The following PRKN variants were observed in gnomAD, a reference collection of about 807,000 sequenced individuals.
PRKN encodes the protein E3 ubiquitin-protein ligase parkin.
A neutral mutation model predicts 59.5 loss-of-function variants in PRKN; 56 were observed. That is an observed-to-expected ratio of 0.94 (90% CI 0.76 to 1.18). The LOEUF (loss-of-function observed/expected upper bound fraction) is 1.18. Ranked by LOEUF, PRKN falls within the 50% of genes most tolerant of loss-of-function variation. PRKN has a pLI of 0.00. For missense variants in PRKN, 657 were observed against 596.4 expected (o/e 1.10, Z -1.06); for synonymous variants, 250 against 222.1 (o/e 1.13, Z -1.12).
intron 7 of PRKN, among the ~76,000 whole-genome samples, chr6:161,703,835 CTCTCTTTTTTTTTTT>C (rs1786359766): frequency 1.6e-5 from 2 of 126,440 alleles, no homozygotes; most frequent in African/African-American, 3.2e-5. Flanking sequence ...CTCTCTCTCT[CTCTCTTTTTTTTTTT>C]TTTTTTTTTT....
intron 6 of PRKN, among the ~76,000 whole-genome samples, chr6:161,946,410 A>ACTCTCT (rs1554253042): frequency 1.1e-5 from 1 of 95,202 alleles, no homozygotes; most frequent in African/African-American, 3.5e-5. Flanking sequence ...ACACACACAC[A>ACTCTCT]CACACTCTCT....
At chr6:161,874,850 A>G (rs1229280718) in intron 6 of PRKN, among the ~76,000 whole-genome samples, 35 of 110,716 alleles carry the variant, frequency 3.2e-4, no homozygotes, top group South Asian at 5.9e-4. Flanking sequence ...TATAAAATAT[A>G]TAAAATATAT....
chr6:162,046,506 A>T (rs1275369009), intron 5 of PRKN, among the ~76,000 whole-genome samples: 2 of 152,208 alleles, frequency 1.3e-5, no homozygotes, highest in African/African-American at 4.8e-5. Context: ...AGACTAAACC[A>T]AGGTCATGTT....
intron 3 of PRKN, among the ~76,000 whole-genome samples, chr6:162,256,592 T>G (rs1779648318): frequency 6.6e-6 from 1 of 152,130 alleles, no homozygotes; most frequent in Non-Finnish European, 1.5e-5. Flanking sequence ...GCCTCCACGC[T>G]CATTCCTGTC....
In PRKN at chr6:161,785,737, G is replaced by A. The variant is rs1421803284; in HGVS notation, c.871+35C>T. ...ATAATTGTTCTTCTGTTCTTCATTA[G>A]CATTAGAGATGGAGAGAAAACATGC... On this transcript the variant is annotated intron_variant, in intron 7 of 11. Transcript: ENST00000366898. 4 of 1,606,178 alleles carry A rather than the reference G, an allele frequency of 2.5e-6. No homozygotes were observed. The Admixed American group carries it at 5.0e-5, about 20-fold the overall frequency.
At chr6:162,111,201 C>A (rs1027310989) in intron 4 of PRKN, among the ~76,000 whole-genome samples, 4 of 152,260 alleles carry the variant, frequency 2.6e-5, no homozygotes, top group East Asian at 3.9e-4. Flanking sequence ...CACAGTAGAT[C>A]ACGCCTTTAA....
intron 7 of PRKN, among the ~76,000 whole-genome samples, chr6:161,585,924 T>G (rs1216987972): frequency 6.6e-6 from 1 of 152,200 alleles, no homozygotes; most frequent in Admixed American, 6.5e-5. Flanking sequence ...ATTTATTTTT[T>G]AAGATCATGT....
intron 7 of PRKN, among the ~76,000 whole-genome samples, chr6:161,699,062 T>C (rs1444283622): frequency 1.3e-5 from 2 of 152,142 alleles, no homozygotes; most frequent in African/African-American, 4.8e-5. Flanking sequence ...AATTAAGTAG[T>C]GGCAAAAGAG....
chr6:161,664,649 C>T (rs1248454210), intron 7 of PRKN, among the ~76,000 whole-genome samples: 1 of 152,070 alleles, frequency 6.6e-6, no homozygotes, highest in East Asian at 1.9e-4. Context: ...TATAAACTGG[C>T]AGATGGATTT....
chr6:161,468,549 A>G lies in PRKN; in HGVS notation c.1083+80305T>C, dbSNP rs1207896906. Among the ~76,000 whole-genome samples the G allele has an allele frequency of 6.6e-6, 1 of 152,184 alleles. No individual in the cohort carries two copies. The highest frequency in any genetic ancestry group is 1.5e-5 in the Non-Finnish European group (1 of 68,040). On this transcript the variant is annotated intron_variant, in intron 9 of 11. Coordinates refer to ENST00000366898, the MANE Select transcript of PRKN (RefSeq NM_004562.3). This position sits in a 1 kb window ranked among gnomAD's most constrained non-coding sequence, Gnocchi z 5.9. ...TGTTTAGAAACTTAAAAATGCATTC[A>G]TCCTTTACTGAAATCTGCCCAATGT...
At chr6:162,388,061 C>T (rs1364759025) in intron 2 of PRKN, among the ~76,000 whole-genome samples, 1 of 152,158 alleles carries the variant, frequency 6.6e-6, no homozygotes, top group Non-Finnish European at 1.5e-5. Flanking sequence ...GAGGTAAACT[C>T]GTGTGGTTGT....
At chr6:161,685,692 A>T (rs946310917) in intron 7 of PRKN, among the ~76,000 whole-genome samples, 4 of 152,224 alleles carry the variant, frequency 2.6e-5, no homozygotes, top group Admixed American at 2.6e-4. Flanking sequence ...CCCCTGATGT[A>T]TACCACTGGC....
intron 3 of PRKN, among the ~76,000 whole-genome samples, chr6:162,221,733 T>C (rs1342499877): frequency 2.6e-5 from 4 of 152,090 alleles, no homozygotes; most frequent in African/African-American, 9.7e-5. Context: ...AGAGAGGAGA[T>C]GTAAATATTC....
chr6:161,564,107 T>C (rs1441369504), intron 8 of PRKN, among the ~76,000 whole-genome samples: 1 of 152,190 alleles, frequency 6.6e-6, no homozygotes, highest in Non-Finnish European at 1.5e-5. Flanking sequence ...AACAGTTGCC[T>C]CAAGCATCCA....
Position 161,349,663 on chromosome 6 carries a change from G to C in PRKN, c.*436C>G. The C allele has an allele frequency of 6.7e-6, 2 of 299,050 alleles. No individual in the cohort carries two copies. Among genetic ancestry groups the C allele is most frequent in the Non-Finnish European group, 1.3e-5 (2 of 157,570 alleles). The allele number at this position is 299,050 out of a possible 1,614,324, so 18.5% of individuals were successfully genotyped here. A position where few individuals can be genotyped will look rare whatever the true frequency, so the allele number is the denominator to read the frequency against. On this transcript the variant is annotated 3_prime_UTR_variant, in exon 12 of 12. Transcript: ENST00000366898. This position sits in a 1 kb window ranked among gnomAD's most constrained non-coding sequence, Gnocchi z 5.5. ...CAATGGCATCTTCATGGTGTTTACT[G>C]AAGGTAAAAGGCAGGATATTAAATG...
intron 6 of PRKN, among the ~76,000 whole-genome samples, chr6:161,936,429 T>C (rs181973864): frequency 6.6e-6 from 1 of 152,156 alleles, no homozygotes; most frequent in African/African-American, 2.4e-5. Context: ...CAGGATGGTC[T>C]CCATCTCCTG....
At chr6:161,738,723 G>A (rs1253706368) in intron 7 of PRKN, among the ~76,000 whole-genome samples, 4 of 152,124 alleles carry the variant, frequency 2.6e-5, no homozygotes, top group East Asian at 1.9e-4. Flanking sequence ...TTCTACATCC[G>A]TCTTAGACCT....
chr6:162,202,763 A>T (rs1421581306), intron 3 of PRKN, among the ~76,000 whole-genome samples: 4 of 152,226 alleles, frequency 2.6e-5, no homozygotes, highest in Non-Finnish European at 5.9e-5. Flanking sequence ...TATGTAAGTA[A>T]ATGTTAATGG....
At chr6:161,520,490 A>C (rs1214792622) in intron 9 of PRKN, among the ~76,000 whole-genome samples, 1 of 152,090 alleles carries the variant, frequency 6.6e-6, no homozygotes, top group Non-Finnish European at 1.5e-5. Context: ...GGCCTTTCAA[A>C]GTGCTGGGAT....
Sources: allele counts gnomAD v4.1 joint callset (sites outside exome capture counted in the v4.1 genomes callset), GRCh38; gene constraint gnomAD v4.1.1; non-coding constraint Gnocchi (gnomAD v3.1); transcripts MANE v1.5; gene names NCBI Gene and HGNC (gene_info 2026-07-23, HGNC 2026-07-21).